Variants in RASGRP2 observed in about 807,000 individuals in gnomAD.
The protein encoded by RASGRP2 is RAS guanyl releasing protein 2.
In RASGRP2, 44 loss-of-function variants were observed where a neutral mutation model predicts 71.0. The ratio of observed to expected loss-of-function variants is 0.62; its 90% CI spans 0.49 to 0.80. The LOEUF (loss-of-function observed/expected upper bound fraction) is 0.80, where lower values mean the gene tolerates loss of function less well. RASGRP2 is among the 30% of genes least tolerant of loss of function. RASGRP2 has a pLI of 0.00. For missense variants in RASGRP2, 663 were observed against 813.4 expected (o/e 0.82, Z 2.25); for synonymous variants, 350 against 330.7 (o/e 1.06, Z -0.63).
Position 64,728,924 on chromosome 11 carries a change from G to C in RASGRP2, c.1710C>G (p.His570Gln). 6.2e-7 allele frequency: 1 copy of C among 1,613,292 alleles called. No individual in the cohort carries two copies. ...SAPSPSPMHS[H>Q]HHRAFSFSLP... ...GAGAGAAGCTGAAGGCGCGGTGATG[G>C]TGGCTGTGCATGGGTGAGGGTGAGG... is the stretch of plus-strand genomic sequence containing the variant. Residue 570 changes from histidine (H) to glutamine (Q), a missense_variant, in exon 15 of 17, where the codon CAC becomes CAG. His to Gln is a conservative substitution (Grantham distance 24). Transcript: ENST00000394432.
chr11:64,740,853 T>A, intron 5 of RASGRP2, 95 bp downstream of exon 5: 1 of 1,516,890 alleles, frequency 6.6e-7, no homozygotes, highest in Non-Finnish European at 9.2e-7. Context: ...GAGAGCAACA[T>A]GACCCTCACT....
intron 15 of RASGRP2, 129 bp from the exon 16 acceptor site, chr11:64,727,489 C>A (rs1412526929): frequency 2.8e-6 from 2 of 715,226 alleles, no homozygotes; most frequent in Non-Finnish European, 4.8e-6. Context: ...CAATTCCCTG[C>A]ATGACCTCAC....
rs894720047 is a variant in RASGRP2 at position 64,743,543 on chromosome 11, G to A, written c.-72+460C>T. 14 of 338,850 alleles carry A rather than the reference G, an allele frequency of 4.1e-5. No homozygotes were observed. Among genetic ancestry groups the A allele is most frequent in the Non-Finnish European group, 1.2e-5 (2 of 173,198 alleles). 21.0% of individuals were successfully genotyped at this position (338,850 alleles called of 1,614,324 possible). On this transcript the variant is annotated intron_variant, in intron 1 of 16. Transcript: ENST00000394432. This position sits in a 1 kb window ranked among gnomAD's most constrained non-coding sequence, Gnocchi z 4.9. ...GAGGAACATTCCTGGGGCGGGGGGAGCCCGCTGCGGCCAGGAGGCGTCAGC... is the reference window on the plus strand; with the variant it reads ...GAGGAACATTCCTGGGGCGGGGGGAACCCGCTGCGGCCAGGAGGCGTCAGC...
Position 64,736,751 on chromosome 11 carries a change from A to G in RASGRP2, c.1095+2T>C. Reference sequence around the variant, plus strand: ...CCCACCTCCCTGCCCCCTGCTCCTCACCGTGAGCAGGCTCAGCAGGTCGGG... The same window carrying G: ...CCCACCTCCCTGCCCCCTGCTCCTCGCCGTGAGCAGGCTCAGCAGGTCGGG... On this transcript the variant is annotated splice_donor_variant, in intron 9 of 16. Coordinates refer to ENST00000394432, the MANE Select transcript of RASGRP2 (RefSeq NM_001098671.2). LOFTEE classifies it high-confidence loss of function. The G allele has an allele frequency of 6.3e-7, 1 of 1,578,802 alleles. No individual in the cohort carries two copies. Among genetic ancestry groups the G allele is most frequent in the South Asian group, 1.2e-5 (1 of 86,922 alleles).
chr11:64,735,561 T>C lies in RASGRP2; in HGVS notation c.1277A>G (p.His426Arg). 2 of 1,614,018 alleles carry C rather than the reference T, an allele frequency of 1.2e-6. No individual in the cohort carries two copies. The highest frequency in any genetic ancestry group is 1.7e-6 in the Non-Finnish European group (2 of 1,179,946). ...PKLDQALVVE[H>R]IEKMVESVFR... Reference sequence around the variant, plus strand: ...GCTCACCTCCACCATCTTCTCGATGTGCTCCACCACGAGGGCCTGATCCAG... The same window carrying C: ...GCTCACCTCCACCATCTTCTCGATGCGCTCCACCACGAGGGCCTGATCCAG... Residue 426 changes from histidine to arginine, a missense_variant, in exon 11 of 17, where the codon CAC becomes CGC. By Grantham distance (29) the His-to-Arg change is conservative. Transcript: ENST00000394432. This position sits in a 1 kb window ranked among gnomAD's most constrained non-coding sequence, Gnocchi z 4.2.
rs1330779818 is a variant in RASGRP2, at chr11:64,730,128, C to T, written c.1479G>A (p.Gly493=). The part of the protein sequence containing the change: ...YFLRSSSVLG[G]RMGFVHNFQE... ...GGAAGTTGTGTACGAAGCCCATGCG[C>T]CCCCCCAACACAGAGCTGGAGCGCA... Residue 493 remains glycine, a synonymous_variant, in exon 13 of 17, where the codon GGG becomes GGA. Transcript: ENST00000394432. The T allele has an allele frequency of 1.3e-6, 2 of 1,550,932 alleles. No individual in the cohort carries two copies. The highest frequency in any genetic ancestry group is 1.7e-6 in the Non-Finnish European group (2 of 1,146,966).
At chr11:64,731,053 T>G (rs1372353932) in intron 12 of RASGRP2, among the ~76,000 whole-genome samples, 1 of 152,168 alleles carries the variant, frequency 6.6e-6, no homozygotes, top group Non-Finnish European at 1.5e-5. Context: ...TTAGGATAAC[T>G]GGCTATCTGA....
rs569640858 is a variant in RASGRP2 at position 64,742,087 on chromosome 11, C to T, written c.99G>A (p.Pro33=). Residue 33 remains proline, a synonymous_variant, in exon 3 of 17, where the codon CCG becomes CCA. Transcript: ENST00000394432. This position sits in a 1 kb window ranked among gnomAD's most constrained non-coding sequence, Gnocchi z 4.7. ...AFDDSGKVRD[P]QLVRMFLMMH... ...TCATGAGGAACATGCGCACCAGCTG[C>T]GGGTCCCGCACCTTCCCGGAGTCAT... 97 of 1,604,720 alleles carry T rather than the reference C, an allele frequency of 6.0e-5. No homozygotes were observed. The highest frequency in any genetic ancestry group is 2.4e-4 in the Admixed American group (14 of 58,664).
chr11:64,742,239 G>T lies in RASGRP2; in HGVS notation c.74-127C>A. On this transcript the variant is annotated intron_variant, in intron 2 of 16. Transcript: ENST00000394432. This position sits in a 1 kb window ranked among gnomAD's most constrained non-coding sequence, Gnocchi z 4.7. ...GCTCGACCCCGCCCACCTCCTGCTT[G>T]CCCAGGACTCCGAGAGCAGGAGGCA... The T allele has an allele frequency of 1.3e-6, 1 of 754,402 alleles. No individual in the cohort carries two copies. The highest frequency in any genetic ancestry group is 2.4e-6 in the Non-Finnish European group (1 of 423,608). 46.7% of individuals were successfully genotyped at this position (754,402 alleles called of 1,614,324 possible).
In RASGRP2 at chr11:64,742,181, G is replaced by C. The variant is rs534807000; in HGVS notation, c.74-69C>G. 1.5e-5 allele frequency: 19 copies of C among 1,241,876 alleles called. No homozygotes were observed. The East Asian group carries it at 3.0e-4, about 20-fold the overall frequency. 76.9% of individuals were successfully genotyped at this position (1,241,876 alleles called of 1,614,324 possible). A position where few individuals can be genotyped will look rare whatever the true frequency, so the allele number is the denominator to read the frequency against. ...AGCTACCATGCCTCATCCTCACCCCGCAACCCGCCAGGTATCGGTCCTTCG... is the reference window on the plus strand; with the variant it reads ...AGCTACCATGCCTCATCCTCACCCCCCAACCCGCCAGGTATCGGTCCTTCG... On this transcript the variant is annotated intron_variant, in intron 2 of 16. Transcript: ENST00000394432. This position sits in a 1 kb window ranked among gnomAD's most constrained non-coding sequence, Gnocchi z 4.7.
In RASGRP2 at chr11:64,739,975, CA is replaced by C; in HGVS notation, c.522+37del. ...CCCCTCCTAGAACTCTCTTCCAGCC[CA>C]CATTGGACCCCTGACCCCCCAGCCC... is the stretch of plus-strand genomic sequence containing the variant. On this transcript the variant is annotated intron_variant, in intron 6 of 16. Coordinates refer to ENST00000394432, the MANE Select transcript of RASGRP2 (RefSeq NM_001098671.2). This position sits in a 1 kb window ranked among gnomAD's most constrained non-coding sequence, Gnocchi z 4.2. 6.2e-7 allele frequency: 1 copy of C among 1,613,870 alleles called. No individual in the cohort carries two copies. The highest frequency in any genetic ancestry group is 8.5e-7 in the Non-Finnish European group (1 of 1,179,972).
chr11:64,741,505 A>G lies in RASGRP2; in HGVS notation c.177-4T>C, dbSNP rs1394559918. On this transcript the variant is annotated splice_polypyrimidine_tract_variant and splice_region_variant and intron_variant, in intron 3 of 16. Coordinates refer to ENST00000394432, the MANE Select transcript of RASGRP2 (RefSeq NM_001098671.2). ...GTCCTTCCGGGATTGTTGGTAGGTG[A>G]AGGAGAGGGTTAAGGAGGCCGCTTA... The G allele has an allele frequency of 6.3e-7, 1 of 1,576,962 alleles. No homozygotes were observed. Among genetic ancestry groups the G allele is most frequent in the Admixed American group, 1.8e-5 (1 of 54,710 alleles).
chr11:64,742,888 TG>T lies in RASGRP2; in HGVS notation c.-23del. The T allele has an allele frequency of 6.4e-7, 1 of 1,572,652 alleles. No individual in the cohort carries two copies. On this transcript the variant is annotated 5_prime_UTR_variant, in exon 2 of 17. Coordinates refer to ENST00000394432, the MANE Select transcript of RASGRP2 (RefSeq NM_001098671.2). The surrounding 1 kb of genome is among the most constrained non-coding windows in gnomAD (Gnocchi z 4.7). ...CCATGGCCGCCGGCGCGGGGTGGGC[TG>T]GGCCCAGGCTGCGCTCCGGGAGCCT...
chr11:64,727,224 T>C, intron 16 of RASGRP2, 72 bp downstream of exon 16: 1 of 1,404,456 alleles, frequency 7.1e-7, no homozygotes, highest in Non-Finnish European at 1.0e-6. Context: ...AAAGCACCCA[T>C]TTCCCTGATA....
chr11:64,742,392 G>A lies in RASGRP2; in HGVS notation c.74-280C>T, dbSNP rs1444683129. The A allele has an allele frequency of 2.1e-5, 12 of 580,424 alleles. No homozygotes were observed. In the Admixed American group the frequency reaches 3.0e-4, roughly 14 times the overall value. The allele number at this position is 580,424 out of a possible 1,614,324, so 36.0% of individuals were successfully genotyped here. A position where few individuals can be genotyped will look rare whatever the true frequency, so the allele number is the denominator to read the frequency against. ...GCGGAAGGAGCCTGGGTTCCCCGGG[G>A]TCAAGAATCCAGAGGTCATTTCCTG... On this transcript the variant is annotated intron_variant, in intron 2 of 16. Coordinates refer to ENST00000394432, the MANE Select transcript of RASGRP2 (RefSeq NM_001098671.2). The surrounding 1 kb of genome is among the most constrained non-coding windows in gnomAD (Gnocchi z 4.7).
At chr11:64,736,173 G>A (rs2057932835) in intron 9 of RASGRP2, among the ~76,000 whole-genome samples, 193 bp from the exon 10 acceptor site, 1 of 152,110 alleles carries the variant, frequency 6.6e-6, no homozygotes, top group Non-Finnish European at 1.5e-5. Flanking sequence ...CCACAGCATG[G>A]CCCCAAACCT....
intron 12 of RASGRP2, among the ~76,000 whole-genome samples, chr11:64,732,134 T>C (rs1194823801): frequency 1.3e-5 from 2 of 152,088 alleles, no homozygotes; most frequent in Non-Finnish European, 2.9e-5. Flanking sequence ...TGAATCCACA[T>C]GGAAAGATGT....
intron 12 of RASGRP2, among the ~76,000 whole-genome samples, chr11:64,733,113 A>G (rs558372672): frequency 6.6e-6 from 1 of 152,094 alleles, no homozygotes; most frequent in African/African-American, 2.4e-5. Flanking sequence ...CGACAGAGTG[A>G]GACTCTGTCT....
At chr11:64,738,020 G>A (rs2058003737) in intron 8 of RASGRP2, among the ~76,000 whole-genome samples, 1 of 152,118 alleles carries the variant, frequency 6.6e-6, no homozygotes, top group East Asian at 1.9e-4. Flanking sequence ...CTCCAGCCTG[G>A]ATGACAGAGA....
Sources: allele counts gnomAD v4.1 joint callset (sites outside exome capture counted in the v4.1 genomes callset), GRCh38; gene constraint gnomAD v4.1.1; non-coding constraint Gnocchi (gnomAD v3.1); transcripts MANE v1.5; gene names NCBI Gene and HGNC (gene_info 2026-07-23, HGNC 2026-07-21).